Variants in EIF3B observed in about 807,000 individuals in gnomAD.
EIF3B encodes eukaryotic translation initiation factor 3 subunit 9.
A neutral mutation model predicts 104.6 loss-of-function variants in EIF3B; 10 were observed. The observed-to-expected ratio is 0.10, with a 90% CI of 0.06 to 0.16. The LOEUF is 0.16. Among genes scored for constraint, EIF3B ranks in the 10% least tolerant of loss-of-function variants. EIF3B has a pLI of 1.00. For missense variants in EIF3B, 1,014 were observed against 1,087.9 expected (o/e 0.93, Z 0.96); for synonymous variants, 542 against 417.2 (o/e 1.30, Z -3.65).
rs542030713 is a variant in EIF3B, at chr7:2,380,323, C to T, written c.*134C>T. 29 of 517,880 alleles carry T rather than the reference C, an allele frequency of 5.6e-5. No individual in the cohort carries two copies. Among genetic ancestry groups the T allele is most frequent in the Admixed American group, 1.8e-4 (9 of 51,392 alleles). The allele number at this position is 517,880 out of a possible 1,614,324, so 32.1% of individuals were successfully genotyped here. A position where few individuals can be genotyped will look rare whatever the true frequency, so the allele number is the denominator to read the frequency against. On this transcript the variant is annotated 3_prime_UTR_variant, in exon 19 of 19. Coordinates refer to ENST00000360876, the MANE Select transcript of EIF3B (RefSeq NM_001037283.2). Reference sequence around the variant, plus strand: ...GAGCCGAGGCCGTCCTGCAGGAAGCCGCGTGACTCCCGCCTCCTCCCTGTG... The same window carrying T: ...GAGCCGAGGCCGTCCTGCAGGAAGCTGCGTGACTCCCGCCTCCTCCCTGTG...
At chr7:2,361,666 G>A (rs1456186481) in intron 2 of EIF3B, among the ~76,000 whole-genome samples, 4 of 152,148 alleles carry the variant, frequency 2.6e-5, no homozygotes, top group East Asian at 1.9e-4. Context: ...TGATCCACCC[G>A]CCTCGGCCTC....
chr7:2,373,663 A>T lies in EIF3B; in HGVS notation c.1811-865A>T, dbSNP rs550582159. ...TTCATTAATTCTGGTTGATAGAAAC[A>T]TATGGGCAATTGCAGACTGTCCAGA... On this transcript the variant is annotated intron_variant, in intron 12 of 18. Transcript: ENST00000360876. The T allele has an allele frequency of 2.6e-5, 4 of 152,300 alleles. No individual in the cohort carries two copies. The East Asian group carries it at 7.7e-4, about 29-fold the overall frequency. The allele number at this position is 152,300 out of a possible 1,614,324, so 9.4% of individuals were successfully genotyped here.
At chr7:2,357,770 G>T (rs1779531672) in intron 1 of EIF3B, among the ~76,000 whole-genome samples, 1 of 152,194 alleles carries the variant, frequency 6.6e-6, no homozygotes, top group Non-Finnish European at 1.5e-5. Context: ...TCTTCATGGT[G>T]TAGTTACTTC....
At chr7:2,364,294 T>C in intron 5 of EIF3B, 78 bp from the exon 6 acceptor site, 1 of 1,315,404 alleles carries the variant, frequency 7.6e-7, no homozygotes, top group African/African-American at 1.5e-5. Flanking sequence ...AGATTCATTG[T>C]AGGATAAATT....
Position 2,363,761 on chromosome 7 carries a change from G to T in EIF3B, c.999+1G>T. On this transcript the variant is annotated splice_donor_variant, in intron 5 of 18. Coordinates refer to ENST00000360876, the MANE Select transcript of EIF3B (RefSeq NM_001037283.2). LOFTEE classifies it high-confidence loss of function. ...CCCTGTCTCAATTGAAGAAAGAGCG[G>T]TGTGTATTTGCTGCTGCTGGGGGCG... The T allele has an allele frequency of 6.2e-7, 1 of 1,612,766 alleles. No individual in the cohort carries two copies. The highest frequency in any genetic ancestry group is 8.5e-7 in the Non-Finnish European group (1 of 1,179,700).
intron 2 of EIF3B, 68 bp from the exon 3 acceptor site, chr7:2,362,577 G>T: frequency 6.3e-7 from 1 of 1,589,034 alleles, no homozygotes; most frequent in Non-Finnish European, 8.6e-7. Flanking sequence ...GGAGAGGGGT[G>T]GGGCGGACAG....
At chr7:2,374,858 C>T (rs898953532) in intron 13 of EIF3B, 14 of 393,232 alleles carry the variant, frequency 3.6e-5, no homozygotes, top group African/African-American at 1.0e-4. Context: ...GACCTGTCTG[C>T]GGGTTGTGGT....
Position 2,375,287 on chromosome 7 carries a change from A to C in EIF3B, c.1890-102A>C. 4.0e-6 allele frequency: 6 copies of C among 1,499,492 alleles called. No individual in the cohort carries two copies. The South Asian group carries it at 7.0e-5, about 18-fold the overall frequency. The allele number at this position is 1,499,492 out of a possible 1,614,324, so 92.9% of individuals were successfully genotyped here. ...TGTGCTTGTTTCCATGTTAACGCCG[A>C]GGCTGGCTCCCTGGGGACCCCATGC... is the stretch of plus-strand genomic sequence containing the variant. On this transcript the variant is annotated intron_variant, in intron 13 of 18. Transcript: ENST00000360876.
intron 1 of EIF3B, among the ~76,000 whole-genome samples, chr7:2,359,933 A>C: frequency 6.6e-6 from 1 of 152,174 alleles, no homozygotes; most frequent in South Asian, 2.1e-4. Flanking sequence ...CCTGCAGTTC[A>C]GTTGTTTATC....
In EIF3B at chr7:2,354,961, G is replaced by A. The variant is rs1309389028; in HGVS notation, c.40G>A (p.Glu14Lys). The A allele has an allele frequency of 3.3e-6, 4 of 1,217,804 alleles. No homozygotes were observed. The highest frequency in any genetic ancestry group is 3.1e-6 in the Non-Finnish European group (3 of 972,918). 75.4% of individuals were successfully genotyped at this position (1,217,804 alleles called of 1,614,324 possible). ...GAACGTGGCGGTGCCCGAGGCGGCC[G>A]AGGAGCGCGCCGAGCCCGGCCAGCA... is the stretch of plus-strand genomic sequence containing the variant. Reference protein sequence around the residue: ...AENVAVPEAAEERAEPGQQQP... With the variant: ...AENVAVPEAAKERAEPGQQQP... The change falls in exon 1 of 19, where the codon GAG becomes AAG. Residue 14 changes from glutamate to lysine, a missense_variant. Transcript: ENST00000360876.
At chr7:2,373,183 C>T (rs1780450317) in intron 12 of EIF3B, 1 of 164,822 alleles carries the variant, frequency 6.1e-6, no homozygotes, top group Non-Finnish European at 1.3e-5. Context: ...AGAGCTGTTG[C>T]ACACAGCTGT....
chr7:2,367,108 A>C (rs1385791944), intron 9 of EIF3B, 63 bp downstream of exon 9: 2 of 1,390,312 alleles, frequency 1.4e-6, no homozygotes, highest in Non-Finnish European at 9.9e-7. Context: ...ATACCAAAAA[A>C]AAAAAAAAAA....
chr7:2,354,993 G>A lies in EIF3B; in HGVS notation c.72G>A (p.Pro24=), dbSNP rs770420770. 2.5e-3 allele frequency: 2,958 copies of A among 1,172,694 alleles called. 27 individuals carry two copies. The African/African-American group carries it at 0.027, about 11-fold the overall frequency. 72.6% of individuals were successfully genotyped at this position (1,172,694 alleles called of 1,614,324 possible). ...GCGCCGAGCCCGGCCAGCAGCAGCC[G>A]GCCGCCGAGCCGCCGCCAGCCGAGG... is the stretch of plus-strand genomic sequence containing the variant. ...EERAEPGQQQ[P]AAEPPPAEGL... is the part of the protein sequence containing the mutation. Residue 24 remains proline (P), a synonymous_variant, in exon 1 of 19, where the codon CCG becomes CCA. Transcript: ENST00000360876.
intron 17 of EIF3B, 48 bp from the exon 18 acceptor site, chr7:2,379,346 C>T: frequency 6.4e-7 from 1 of 1,554,174 alleles, no homozygotes; most frequent in Non-Finnish European, 8.7e-7. Flanking sequence ...TCGGCGGTGC[C>T]ACTAGGCATG....
intron 12 of EIF3B, chr7:2,374,039 A>T (rs1780503721): frequency 6.5e-6 from 1 of 153,112 alleles, no homozygotes; most frequent in South Asian, 2.0e-4. Flanking sequence ...AGCCAGCCCC[A>T]GCTGGCCTTC....
intron 13 of EIF3B, 103 bp downstream of exon 13, chr7:2,374,709 G>A: frequency 9.0e-6 from 10 of 1,115,038 alleles, no homozygotes; most frequent in Non-Finnish European, 1.2e-5. Context: ...AGAGAGTATT[G>A]TGCGCTGAAA....
chr7:2,362,499 G>T (rs1198884129), intron 2 of EIF3B, 146 bp from the exon 3 acceptor site: 2 of 935,168 alleles, frequency 2.1e-6, no homozygotes, highest in Non-Finnish European at 3.2e-6. Context: ...TCTGTCCCCC[G>T]TGTGACTGCC....
rs1562487394 is a variant in EIF3B at position 2,371,778 on chromosome 7, G to C, written c.1616G>C (p.Gly539Ala). ...CCCTTCCCCCTTTTTTTTAAACAGGGTGTTGTCACAAATTTTGAAATTTTC... is the reference window on the plus strand; with the variant it reads ...CCCTTCCCCCTTTTTTTTAAACAGGCTGTTGTCACAAATTTTGAAATTTTC... ...KVDRTPKGTQ[G>A]VVTNFEIFRM... Residue 539 changes from glycine (G) to alanine (A), a missense_variant and splice_region_variant, in exon 11 of 19, where the codon GGT becomes GCT. Physicochemically the swap from Gly to Ala is moderately conservative, Grantham distance 60. This residue lies in a region of EIF3B where 59 missense variants were observed against 118.8 expected (regional missense o/e 0.50). Coordinates refer to ENST00000360876, the MANE Select transcript of EIF3B (RefSeq NM_001037283.2). 1 of 1,611,490 alleles carries C rather than the reference G, an allele frequency of 6.2e-7. No individual in the cohort carries two copies. Among genetic ancestry groups the C allele is most frequent in the Non-Finnish European group, 8.5e-7 (1 of 1,178,256 alleles).
chr7:2,363,083 A>G lies in EIF3B; in HGVS notation c.826A>G (p.Ser276Gly). Reference sequence around the variant, plus strand: ...TTTCTTCTCCAGGTATATGACGATCAGTGACGAGTGGGATATTCCAGAGAA... The same window carrying G: ...TTTCTTCTCCAGGTATATGACGATCGGTGACGAGTGGGATATTCCAGAGAA... ...FTDFDKYMTI[S>G]DEWDIPEKQP... Residue 276 changes from serine (S) to glycine (G), a missense_variant, in exon 4 of 19, where the codon AGT (serine) becomes GGT (glycine). Ser to Gly is a moderately conservative substitution (Grantham distance 56, BLOSUM62 0). Coordinates refer to ENST00000360876, the MANE Select transcript of EIF3B (RefSeq NM_001037283.2). 1 of 1,614,114 alleles carries G rather than the reference A, an allele frequency of 6.2e-7. No individual in the cohort carries two copies. Among genetic ancestry groups the G allele is most frequent in the East Asian group, 2.2e-5 (1 of 44,882 alleles).
Sources: gnomAD v4.1 joint callset for allele counts (sites outside exome capture counted in the v4.1 genomes callset) on GRCh38, gnomAD v4.1.1 for gene constraint, gnomAD v4.1.1 regional missense constraint, MANE v1.5 for transcripts, NCBI Gene and HGNC (gene_info 2026-07-23, HGNC 2026-07-21) for gene names.